Variants in RMP64 observed in about 807,000 individuals in gnomAD.
RMP64 encodes the protein ribonuclease MRP subunit p64.
the RMP64 span, chr3:113,004,243 G>A: frequency 6.6e-6 from 1 of 152,170 alleles, no homozygotes; most frequent in East Asian, 1.9e-4. Context: ...TTATATAACT[G>A]GATTTGGGGG....
At chr3:113,008,406 A>G in the RMP64 span, 2 of 1,612,032 alleles carry the variant, frequency 1.2e-6, no homozygotes, top group Non-Finnish European at 1.7e-6. Flanking sequence ...CTGGATTGAG[A>G]ACATTTAAAA....
chr3:113,013,896 A>C, the RMP64 span: 1 of 1,143,992 alleles, frequency 8.7e-7, no homozygotes, highest in South Asian at 1.2e-5. Context: ...AAGGGAGATC[A>C]CAAGACATTG....
the RMP64 span, among the ~76,000 whole-genome samples, chr3:113,011,706 G>C: frequency 6.6e-6 from 1 of 152,202 alleles, no homozygotes; most frequent in African/African-American, 2.4e-5. Flanking sequence ...AAGTGTGGTA[G>C]ATGGTGAGAT....
chr3:113,012,448 A>G, the RMP64 span: 1 of 272,808 alleles, frequency 3.7e-6, no homozygotes, highest in African/African-American at 2.2e-5. Flanking sequence ...TTTCACTACA[A>G]CCTACCATGA....
the RMP64 span, chr3:113,019,569 T>C: frequency 6.2e-7 from 1 of 1,613,808 alleles, no homozygotes; most frequent in East Asian, 2.2e-5. Context: ...TTCTGCACTG[T>C]CACTGCGCTG....
At chr3:113,003,188 T>C in the RMP64 span, 2 of 152,156 alleles carry the variant, frequency 1.3e-5, no homozygotes, top group East Asian at 3.9e-4. Context: ...CACAAAGTTT[T>C]TAAAAAATTA....
At chr3:113,007,665 AATATAG>A in the RMP64 span, among the ~76,000 whole-genome samples, 2,295 of 152,202 alleles carry the variant, frequency 0.015, 68 homozygotes, top group African/African-American at 0.053. Context: ...ACAGAAAAGA[AATATAG>A]ATAGAGTCCA....
the RMP64 span, chr3:113,003,903 A>AAAG: frequency 3.9e-5 from 6 of 152,212 alleles, no homozygotes; most frequent in African/African-American, 1.4e-4. Context: ...TGAAGTATTA[A>AAAG]AAGAGGCTAC....
At chr3:113,013,229 T>C in the RMP64 span, 1 of 1,600,884 alleles carries the variant, frequency 6.2e-7, no homozygotes. Context: ...ATCCAAACAA[T>C]TCCAAATCAA....
the RMP64 span, chr3:113,010,445 G>A: frequency 1.9e-6 from 1 of 536,474 alleles, no homozygotes; most frequent in Non-Finnish European, 3.3e-6. Flanking sequence ...ATTTCTGAAG[G>A]TACTCTATTA....
At chr3:113,004,144 T>C in the RMP64 span, 1 of 152,214 alleles carries the variant, frequency 6.6e-6, no homozygotes, top group Non-Finnish European at 1.5e-5. Flanking sequence ...TACCACTTGG[T>C]AGAAAGCCAA....
the RMP64 span, chr3:113,013,849 A>C: frequency 1.2e-6 from 1 of 831,718 alleles, no homozygotes; most frequent in Admixed American, 2.0e-5. Flanking sequence ...CTGAGGTATA[A>C]TTGGTTATAT....
At chr3:113,009,549 AGTTCT>A in the RMP64 span, 6 of 152,342 alleles carry the variant, frequency 3.9e-5, no homozygotes, top group African/African-American at 1.4e-4. Context: ...AAAGCACCAT[AGTTCT>A]TGAGATACAG....
At chr3:113,007,541 A>C in the RMP64 span, among the ~76,000 whole-genome samples, 7 of 152,020 alleles carry the variant, frequency 4.6e-5, no homozygotes, top group African/African-American at 1.7e-4. Flanking sequence ...TTGTGTCTGA[A>C]ATCATTACCG....
At chr3:113,007,564 G>A in the RMP64 span, among the ~76,000 whole-genome samples, 92,452 of 151,998 alleles carry the variant, frequency 0.61, 31,608 homozygotes, top group Non-Finnish European at 0.78. Context: ...AAGCCCTGAA[G>A]TGTCTAATGT....
the RMP64 span, chr3:113,017,667 C>A: frequency 1.1e-5 from 16 of 1,395,924 alleles, no homozygotes; most frequent in Admixed American, 1.0e-4. Flanking sequence ...ATATTAAAAA[C>A]ACACTAAAAA....
At chr3:113,018,700 C>T in the RMP64 span, among the ~76,000 whole-genome samples, 1 of 152,190 alleles carries the variant, frequency 6.6e-6, no homozygotes, top group Non-Finnish European at 1.5e-5. Context: ...ATTTAATATT[C>T]ATAACAGCTT....
At chr3:113,005,543 C>G in the RMP64 span, 1 of 1,601,358 alleles carries the variant, frequency 6.2e-7, no homozygotes. Context: ...CATCTAAACT[C>G]CCATTAAAGC....
At chr3:113,009,841 A>G in the RMP64 span, among the ~76,000 whole-genome samples, 4 of 152,204 alleles carry the variant, frequency 2.6e-5, no homozygotes, top group African/African-American at 9.6e-5. Context: ...CTGAATTCAT[A>G]AATTGGACAG....
Sources: gnomAD v4.1 joint callset for allele counts (sites outside exome capture counted in the v4.1 genomes callset) on GRCh38, gnomAD v4.1.1 for gene constraint, MANE v1.5 for transcripts, NCBI Gene and HGNC (gene_info 2026-07-23, HGNC 2026-07-21) for gene names.